UTP18: variants seen among roughly 807,000 people sequenced by gnomAD.
The protein encoded by UTP18 is UTP18 small subunit processome component.
In UTP18, 36 loss-of-function variants were observed where a neutral mutation model predicts 61.1. The observed-to-expected ratio is 0.59, with a 90% CI of 0.45 to 0.78. UTP18 has a LOEUF of 0.78. UTP18 is among the 30% of genes least tolerant of loss of function. The pLI is 0.00. For synonymous variants in UTP18, 282 were observed against 251.1 expected (o/e 1.12, Z -1.16); for missense variants, 753 against 693.9 (o/e 1.09, Z -0.96).
In UTP18 at chr17:51,280,432, C is replaced by G. The variant is rs758147719; in HGVS notation, c.1157C>G (p.Ala386Gly). Residue 386 changes from alanine to glycine, a missense_variant, in exon 9 of 14, where the codon GCA becomes GGA. Coordinates refer to ENST00000225298, the MANE Select transcript of UTP18 (RefSeq NM_016001.3). ...AGCATGAAAATTAATGGAAGGGTTGCAGCATCCACATTCTCTTCAGATAGT... is the reference window on the plus strand; with the variant it reads ...AGCATGAAAATTAATGGAAGGGTTGGAGCATCCACATTCTCTTCAGATAGT... ...IGSMKINGRV[A>G]ASTFSSDSKK... 1.9e-6 allele frequency: 3 copies of G among 1,614,166 alleles called. No individual in the cohort carries two copies. The South Asian group carries it at 3.3e-5, about 18-fold the overall frequency.
At chr17:51,275,837 G>T (rs770398908) in intron 5 of UTP18, 29 bp from the exon 6 acceptor site, 37 of 1,552,046 alleles carry the variant, frequency 2.4e-5, no homozygotes, top group Non-Finnish European at 2.9e-5. Flanking sequence ...CATTTCAATT[G>T]ATAAAATCCC....
At chr17:51,277,460 C>T (rs2144416283) in intron 7 of UTP18, among the ~76,000 whole-genome samples, 156 bp downstream of exon 7, 1 of 152,280 alleles carries the variant, frequency 6.6e-6, no homozygotes, top group Non-Finnish European at 1.5e-5. Flanking sequence ...TTTGAGATAA[C>T]ACGTTTGAAT....
chr17:51,287,958 C>A, intron 10 of UTP18, 71 bp from the exon 11 acceptor site: 2 of 1,198,916 alleles, frequency 1.7e-6, no homozygotes, highest in African/African-American at 1.6e-5. Context: ...GGGGTTAAAT[C>A]TATATTCACT....
At chr17:51,266,051 T>G (rs2055557458) in intron 2 of UTP18, 131 bp from the exon 3 acceptor site, 1 of 604,088 alleles carries the variant, frequency 1.7e-6, no homozygotes, top group African/African-American at 1.9e-5. Flanking sequence ...AAGATGCATT[T>G]GAAATGTTCA....
intron 4 of UTP18, among the ~76,000 whole-genome samples, chr17:51,271,386 A>G (rs1904525334): frequency 6.6e-6 from 1 of 151,704 alleles, no homozygotes; most frequent in Non-Finnish European, 1.5e-5. Flanking sequence ...GGCTCACTGT[A>G]GTCTCGACCT....
intron 4 of UTP18, among the ~76,000 whole-genome samples, chr17:51,269,424 T>C (rs1598475921): frequency 6.6e-6 from 1 of 152,156 alleles, no homozygotes; most frequent in East Asian, 1.9e-4. Context: ...ATTATAAATA[T>C]GGATGGCTTA....
intron 13 of UTP18, among the ~76,000 whole-genome samples, chr17:51,297,399 C>G (rs1174041288): frequency 1.3e-5 from 2 of 152,196 alleles, no homozygotes; most frequent in African/African-American, 4.8e-5. Flanking sequence ...GCAGCTTGCT[C>G]TGTTTCACAG....
rs764693106 is a variant in UTP18 at position 51,277,127 on chromosome 17, T to C, written c.838-3T>C. 2 of 1,613,574 alleles carry C rather than the reference T, an allele frequency of 1.2e-6. No individual in the cohort carries two copies. The highest frequency in any genetic ancestry group is 1.7e-6 in the Non-Finnish European group (2 of 1,179,696). On this transcript the variant is annotated splice_region_variant and splice_polypyrimidine_tract_variant and intron_variant, in intron 6 of 13. Coordinates refer to ENST00000225298, the MANE Select transcript of UTP18 (RefSeq NM_016001.3). ...AAAAGAACCATTTTGTACTTCTTTA[T>C]AGGTTGATGGGAAAACAAATCCTAA...
intron 7 of UTP18, among the ~76,000 whole-genome samples, chr17:51,279,382 A>G (rs1368926711): frequency 2.6e-5 from 4 of 152,240 alleles, no homozygotes; most frequent in Non-Finnish European, 2.9e-5. Context: ...TTTTGTAAGT[A>G]AGTTGACTGT....
At chr17:51,292,981 C>T (rs1413178060) in intron 11 of UTP18, among the ~76,000 whole-genome samples, 2 of 152,146 alleles carry the variant, frequency 1.3e-5, no homozygotes, top group Non-Finnish European at 2.9e-5. Context: ...TACAAAATGG[C>T]AATTTTATGA....
At chr17:51,268,074 A>G (rs972182817) in intron 3 of UTP18, among the ~76,000 whole-genome samples, 6 of 141,106 alleles carry the variant, frequency 4.3e-5, no homozygotes, top group African/African-American at 1.4e-4. Flanking sequence ...CAGCGGCGTG[A>G]TCGCGGCTCA....
chr17:51,274,511 G>A (rs1904647801), intron 5 of UTP18, among the ~76,000 whole-genome samples: 1 of 152,004 alleles, frequency 6.6e-6, no homozygotes, highest in Non-Finnish European at 1.5e-5. Context: ...GCGTGATCTC[G>A]GCTCACTGCA....
At position 51,275,859 on chromosome 17, in the gene UTP18, C is replaced by A; in HGVS notation, c.712-7C>A. ...ATTGATAAAATCCCAGCTTTCATTT[C>A]CTATAGATGAAGAACTGCCAGCATG... On this transcript the variant is annotated splice_region_variant and splice_polypyrimidine_tract_variant and intron_variant, in intron 5 of 13. Transcript: ENST00000225298. 1 of 1,589,374 alleles carries A rather than the reference C, an allele frequency of 6.3e-7. No homozygotes were observed. The highest frequency in any genetic ancestry group is 8.5e-7 in the Non-Finnish European group (1 of 1,172,112).
At chr17:51,266,746 A>G (rs961098568) in intron 3 of UTP18, among the ~76,000 whole-genome samples, 68 of 152,354 alleles carry the variant, frequency 4.5e-4, no homozygotes, top group African/African-American at 1.5e-3. Context: ...GTTTTCCTTC[A>G]TATTCACAAT....
intron 5 of UTP18, among the ~76,000 whole-genome samples, chr17:51,275,269 T>A (rs560480682): frequency 6.6e-6 from 1 of 152,186 alleles, no homozygotes; most frequent in Non-Finnish European, 1.5e-5. Flanking sequence ...CACATACTTT[T>A]GTTTTTAACT....
At chr17:51,280,346 G>T (rs755047344) in intron 8 of UTP18, 43 bp from the exon 9 acceptor site, 4 of 1,593,328 alleles carry the variant, frequency 2.5e-6, no homozygotes, top group Non-Finnish European at 3.4e-6. Flanking sequence ...TGATTCTTCT[G>T]TATACTTTCT....
At position 51,268,577 on chromosome 17, in the gene UTP18, A is replaced by G. The variant is rs577643526; in HGVS notation, c.555-260A>G. On this transcript the variant is annotated intron_variant, in intron 3 of 13. Transcript: ENST00000225298. ...GAACAAATAAGACAACCATGTAACT[A>G]GATGGAAATAATTAACAAAAAATAT... Among the ~76,000 whole-genome samples, 16 of 152,372 alleles carry G rather than the reference A, an allele frequency of 1.1e-4. No individual in the cohort carries two copies. The South Asian group carries it at 1.7e-3, about 16-fold the overall frequency.
At chr17:51,268,579 A>G (rs1904391963) in intron 3 of UTP18, among the ~76,000 whole-genome samples, 1 of 152,242 alleles carries the variant, frequency 6.6e-6, no homozygotes. Flanking sequence ...ATGTAACTAG[A>G]TGGAAATAAT....
chr17:51,268,717 C>T, intron 3 of UTP18, 120 bp from the exon 4 acceptor site: 1 of 767,530 alleles, frequency 1.3e-6, no homozygotes, highest in Non-Finnish European at 2.1e-6. Context: ...ATAGTTACTT[C>T]TTTGGAAGAG....
Sources: gnomAD v4.1 joint callset for allele counts (sites outside exome capture counted in the v4.1 genomes callset) on GRCh38, gnomAD v4.1.1 for gene constraint, MANE v1.5 for transcripts, NCBI Gene and HGNC (gene_info 2026-07-23, HGNC 2026-07-21) for gene names.